The following NRXN1 variants were observed in gnomAD, a reference collection of about 807,000 sequenced individuals.
NRXN1 encodes the protein neurexin-1.
A neutral mutation model predicts 150.9 loss-of-function variants in NRXN1; 39 were observed. The ratio of observed to expected loss-of-function variants is 0.26; its 90% CI spans 0.20 to 0.34. NRXN1 has a LOEUF of 0.34. Among genes scored for constraint, NRXN1 ranks in the 10% least tolerant of loss-of-function variants. The pLI, the probability that NRXN1 is intolerant of heterozygous loss-of-function variation, is 1.00. For missense variants in NRXN1, 1,815 were observed against 1,949.9 expected (o/e 0.93, Z 1.30); for synonymous variants, 924 against 757.0 (o/e 1.22, Z -3.62).
At chr2:50,802,913 A>G (rs894310068) in intron 5 of NRXN1, among the ~76,000 whole-genome samples, 3 of 152,138 alleles carry the variant, frequency 2.0e-5, no homozygotes, top group African/African-American at 7.2e-5. Context: ...AGGAAGACAC[A>G]AGGAACGATT....
intron 5 of NRXN1, among the ~76,000 whole-genome samples, chr2:50,812,985 C>T (rs72837091): frequency 0.11 from 16,762 of 151,934 alleles, 1,196 homozygotes; most frequent in East Asian, 0.15. Flanking sequence ...CGCTCAGAAG[C>T]TGGAGATCAG....
At chr2:50,228,623 A>G (rs750400039) in intron 18 of NRXN1, among the ~76,000 whole-genome samples, 1 of 152,130 alleles carries the variant, frequency 6.6e-6, no homozygotes, top group East Asian at 1.9e-4. Flanking sequence ...TGATAGCTAA[A>G]ATTCAGAGTA....
chr2:50,302,565 G>A (rs1303014251), intron 17 of NRXN1, among the ~76,000 whole-genome samples: 1 of 152,058 alleles, frequency 6.6e-6, no homozygotes, highest in Admixed American at 6.5e-5. Flanking sequence ...TTCCAATTTG[G>A]AAAGCGTGTT....
intron 5 of NRXN1, among the ~76,000 whole-genome samples, chr2:50,637,169 AT>A (rs1683351051): frequency 1.3e-5 from 2 of 152,118 alleles, no homozygotes; most frequent in African/African-American, 4.8e-5. Context: ...GCATTTTCAG[AT>A]TTTTAAAAAA....
chr2:51,007,248 C>T (rs1164279093), intron 2 of NRXN1, among the ~76,000 whole-genome samples: 1 of 151,836 alleles, frequency 6.6e-6, no homozygotes, highest in African/African-American at 2.4e-5. Context: ...ATTTTCTGAA[C>T]CATTTCTGAA....
chr2:50,949,311 G>C (rs1208114660), intron 2 of NRXN1, among the ~76,000 whole-genome samples: 1 of 151,948 alleles, frequency 6.6e-6, no homozygotes, highest in Admixed American at 6.6e-5. Flanking sequence ...AAGTGTTGCT[G>C]GTTTTAAATG....
chr2:50,405,661 C>T (rs2103992249), intron 17 of NRXN1, among the ~76,000 whole-genome samples: 1 of 152,162 alleles, frequency 6.6e-6, no homozygotes, highest in South Asian at 2.1e-4. Flanking sequence ...TCTTCTACCT[C>T]AACATGGTAC....
At chr2:50,239,656 A>C (rs1487786225) in intron 17 of NRXN1, among the ~76,000 whole-genome samples, 2 of 112,580 alleles carry the variant, frequency 1.8e-5, no homozygotes, top group African/African-American at 6.6e-5. Flanking sequence ...CCTGATACCT[A>C]TTCCAGTATA....
chr2:50,791,676 G>A lies in NRXN1; in HGVS notation c.832+130193C>T, dbSNP rs1364239857. ...TTCCGTGAAAAAATTCCTCTGCAGC[G>A]TATTCAAATTGTATAGCCGCAATTA... On this transcript the variant is annotated intron_variant, in intron 5 of 22. Transcript: ENST00000401669. Among the ~76,000 whole-genome samples the A allele has an allele frequency of 5.9e-5, 9 of 151,636 alleles. No individual in the cohort carries two copies. In the East Asian group the frequency reaches 1.4e-3, roughly 23 times the overall value.
At chr2:50,090,519 T>C (rs1452143498) in intron 19 of NRXN1, among the ~76,000 whole-genome samples, 1 of 152,098 alleles carries the variant, frequency 6.6e-6, no homozygotes, top group Non-Finnish European at 1.5e-5. Context: ...TAAAATATCT[T>C]TATACTTTTA....
intron 5 of NRXN1, among the ~76,000 whole-genome samples, chr2:50,783,136 A>T (rs1172633307): frequency 6.6e-6 from 1 of 152,166 alleles, no homozygotes; most frequent in Non-Finnish European, 1.5e-5. Flanking sequence ...CAATACATTT[A>T]GGATTGAATT....
intron 2 of NRXN1, among the ~76,000 whole-genome samples, chr2:50,950,798 T>G (rs1018495243): frequency 6.6e-6 from 1 of 152,236 alleles, no homozygotes; most frequent in Non-Finnish European, 1.5e-5. Context: ...TTTACAAAGA[T>G]ACCTTGTTTA....
At chr2:50,480,245 T>C (rs974246242) in intron 15 of NRXN1, among the ~76,000 whole-genome samples, 20 of 152,214 alleles carry the variant, frequency 1.3e-4, no homozygotes, top group African/African-American at 4.3e-4. Flanking sequence ...GAGATGAAGA[T>C]AGAGGTGTAG....
At chr2:50,252,409 C>G (rs867908740) in intron 17 of NRXN1, among the ~76,000 whole-genome samples, 6 of 151,574 alleles carry the variant, frequency 4.0e-5, no homozygotes, top group African/African-American at 1.5e-4. Context: ...CAGGCATGTG[C>G]CACCACACTC....
intron 17 of NRXN1, among the ~76,000 whole-genome samples, chr2:50,238,935 T>C (rs1213999653): frequency 2.6e-5 from 4 of 152,000 alleles, no homozygotes; most frequent in Non-Finnish European, 2.9e-5. Context: ...ATTTTGCAGA[T>C]ACCAATGCAT....
At chr2:50,284,611 G>A (rs1022997510) in intron 17 of NRXN1, among the ~76,000 whole-genome samples, 4 of 152,126 alleles carry the variant, frequency 2.6e-5, no homozygotes, top group Admixed American at 2.6e-4. Flanking sequence ...GTCAGTAAAT[G>A]CTTTCTCTTC....
intron 17 of NRXN1, among the ~76,000 whole-genome samples, chr2:50,327,518 CAATTGT>C (rs1558531578): frequency 6.6e-6 from 1 of 152,166 alleles, no homozygotes; most frequent in East Asian, 1.9e-4. Flanking sequence ...AAAACTTGCA[CAATTGT>C]ATTGTATTTA....
At chr2:50,790,503 C>T (rs1705789720) in intron 5 of NRXN1, among the ~76,000 whole-genome samples, 1 of 152,008 alleles carries the variant, frequency 6.6e-6, no homozygotes, top group Non-Finnish European at 1.5e-5. Context: ...TACCTGTAAC[C>T]CCAGCTACTC....
At chr2:50,592,531 C>A (rs1168943745) in intron 8 of NRXN1, among the ~76,000 whole-genome samples, 1 of 152,174 alleles carries the variant, frequency 6.6e-6, no homozygotes, top group Non-Finnish European at 1.5e-5. Context: ...TAGCTTGTGG[C>A]AGGCAATGAG....
Sources: gnomAD v4.1 joint callset for allele counts (sites outside exome capture counted in the v4.1 genomes callset) on GRCh38, gnomAD v4.1.1 for gene constraint, MANE v1.5 for transcripts, NCBI Gene and HGNC (gene_info 2026-07-23, HGNC 2026-07-21) for gene names.